PLCE1: variants seen among roughly 807,000 people sequenced by gnomAD.
PLCE1 encodes phospholipase C epsilon 1.
A neutral mutation model predicts 242.8 loss-of-function variants in PLCE1; 119 were observed. That is an observed-to-expected ratio of 0.49 (90% CI 0.42 to 0.57). PLCE1 has a LOEUF of 0.57. Among genes scored for constraint, PLCE1 ranks in the 20% least tolerant of loss-of-function variants. The probability of loss-of-function intolerance (pLI) is 0.00; values close to 1 mark genes in which losing one functional copy is unlikely to be tolerated. For missense variants in PLCE1, 2,441 were observed against 2,788.8 expected, an observed-to-expected ratio of 0.88 and a Z score of 2.81; for synonymous variants, 945 against 1,017.4, an observed-to-expected ratio of 0.93 and a Z score of 1.35.
At chr10:94,274,205 T>C (rs930514818) in intron 19 of PLCE1, among the ~76,000 whole-genome samples, 1 of 152,128 alleles carries the variant, frequency 6.6e-6, no homozygotes, top group African/African-American at 2.4e-5. Flanking sequence ...CCCACCTGTG[T>C]AGGAGACCCT....
chr10:94,047,182 A>G (rs569808926), intron 2 of PLCE1, among the ~76,000 whole-genome samples: 1 of 152,308 alleles, frequency 6.6e-6, no homozygotes, highest in South Asian at 2.1e-4. Flanking sequence ...CCAGGTAAAT[A>G]AAGATTTTTC....
At chr10:94,280,187 A>T (rs1407656842) in intron 20 of PLCE1, 11 of 473,378 alleles carry the variant, frequency 2.3e-5, no homozygotes, top group Non-Finnish European at 3.9e-5. Flanking sequence ...CAGCAGAGAA[A>T]CCCTGTTTTC....
At position 94,191,815 on chromosome 10, in the gene PLCE1, CCTTAGAAAAGG is replaced by C. The variant is rs1441095103; in HGVS notation, c.1809+20322_1809+20332del. Among the ~76,000 whole-genome samples, 3 of 152,248 alleles carry C rather than the reference CCTTAGAAAAGG, an allele frequency of 2.0e-5. No homozygotes were observed. The East Asian group carries it at 5.8e-4, about 29-fold the overall frequency. ...GCTAGGTCCAGTTATTTCATCTCAG[CCTTAGAAAAGG>C]CTGCCTGTTGAAGTAGTGAGTTTCT... On this transcript the variant is annotated intron_variant, in intron 4 of 32. Transcript: ENST00000371380.
chr10:94,167,713 G>T (rs906202781), intron 3 of PLCE1, among the ~76,000 whole-genome samples: 1 of 128,192 alleles, frequency 7.8e-6, no homozygotes, highest in Non-Finnish European at 1.5e-5. Flanking sequence ...TCATTGTTCA[G>T]TTCCCACCTA....
At chr10:94,063,589 TC>T (rs919808371) in intron 2 of PLCE1, among the ~76,000 whole-genome samples, 3 of 152,236 alleles carry the variant, frequency 2.0e-5, no homozygotes, top group African/African-American at 7.2e-5. Context: ...ATTTATTGAT[TC>T]ACTGAATAGA....
chr10:94,159,672 G>T (rs957362179), intron 3 of PLCE1, among the ~76,000 whole-genome samples: 3 of 152,054 alleles, frequency 2.0e-5, no homozygotes, highest in Non-Finnish European at 4.4e-5. Flanking sequence ...CAACATGCAG[G>T]TTTGTTACAT....
At chr10:94,165,907 A>G (rs971367611) in intron 3 of PLCE1, among the ~76,000 whole-genome samples, 2 of 152,052 alleles carry the variant, frequency 1.3e-5, no homozygotes, top group Non-Finnish European at 2.9e-5. Context: ...GGATTTCACC[A>G]CGTTGGCAAG....
At chr10:94,327,106 G>A (rs2054048964) in intron 32 of PLCE1, among the ~76,000 whole-genome samples, 2 of 151,740 alleles carry the variant, frequency 1.3e-5, no homozygotes, top group Admixed American at 1.3e-4. Context: ...AGGTTGCAGT[G>A]AGCCGAGATT....
chr10:94,214,872 G>A (rs2049464720), intron 4 of PLCE1, among the ~76,000 whole-genome samples: 1 of 152,140 alleles, frequency 6.6e-6, no homozygotes, highest in African/African-American at 2.4e-5. Flanking sequence ...ACCTTCACCT[G>A]TCCCCTTTTC....
intron 3 of PLCE1, among the ~76,000 whole-genome samples, chr10:94,165,714 C>CTT (rs562102933): frequency 1.4e-5 from 2 of 147,164 alleles, no homozygotes; most frequent in African/African-American, 5.0e-5. Flanking sequence ...TCGTTTTGAT[C>CTT]TTTTTTTTTT....
intron 5 of PLCE1, among the ~76,000 whole-genome samples, chr10:94,229,443 A>T (rs1334582781): frequency 6.6e-6 from 1 of 152,140 alleles, no homozygotes. Flanking sequence ...AATGCCTTTT[A>T]TATGATAGCC....
At chr10:94,062,260 A>C (rs2044073759) in intron 2 of PLCE1, among the ~76,000 whole-genome samples, 2 of 152,068 alleles carry the variant, frequency 1.3e-5, no homozygotes, top group Admixed American at 1.3e-4. Flanking sequence ...TATTTGCTAA[A>C]TGGTTAGACT....
intron 4 of PLCE1, among the ~76,000 whole-genome samples, chr10:94,188,248 C>A (rs1291472926): frequency 2.0e-5 from 3 of 152,090 alleles, no homozygotes; most frequent in African/African-American, 7.2e-5. Context: ...GAATAAAAAA[C>A]CTGTATATTT....
chr10:94,101,118 C>A (rs1197798306), intron 2 of PLCE1, among the ~76,000 whole-genome samples: 3 of 152,090 alleles, frequency 2.0e-5, no homozygotes, highest in Admixed American at 2.0e-4. Context: ...GAAGCCCTGC[C>A]GAGGCAGCGT....
intron 1 of PLCE1, among the ~76,000 whole-genome samples, chr10:94,005,739 T>C (rs2061022605): frequency 6.6e-6 from 1 of 152,242 alleles, no homozygotes; most frequent in Non-Finnish European, 1.5e-5. Flanking sequence ...AGTAGAACCT[T>C]AATCAAACCA....
chr10:94,234,869 T>C (rs9663810), intron 6 of PLCE1, among the ~76,000 whole-genome samples: 18,983 of 152,052 alleles, frequency 0.12, 1,613 homozygotes, highest in African/African-American at 0.25. Context: ...ACCCAAGGCA[T>C]TGGGCATTGG....
chr10:94,154,013 G>A (rs1213605892), intron 3 of PLCE1, among the ~76,000 whole-genome samples: 1 of 152,100 alleles, frequency 6.6e-6, no homozygotes, highest in East Asian at 1.9e-4. Context: ...TTGCAGAAAT[G>A]AATAGGGAAC....
At chr10:94,230,671 C>T (rs1242448988) in intron 5 of PLCE1, among the ~76,000 whole-genome samples, 4 of 151,936 alleles carry the variant, frequency 2.6e-5, no homozygotes, top group Non-Finnish European at 4.4e-5. Context: ...AGTGCAGGAG[C>T]AAGATCATAG....
chr10:94,231,203 G>T (rs1192535573), intron 5 of PLCE1, among the ~76,000 whole-genome samples: 1 of 152,038 alleles, frequency 6.6e-6, no homozygotes, highest in Non-Finnish European at 1.5e-5. Flanking sequence ...ATAAAGAATT[G>T]ATCTTTGCTG....
Sources: allele counts gnomAD v4.1 joint callset (sites outside exome capture counted in the v4.1 genomes callset), GRCh38; gene constraint gnomAD v4.1.1; transcripts MANE v1.5; gene names NCBI Gene and HGNC (gene_info 2026-07-23, HGNC 2026-07-21).